The following PLCL1 variants were observed in gnomAD, a reference collection of about 807,000 sequenced individuals.
PLCL1 encodes the protein inactive phospholipase C-like protein 1.
Under a neutral mutation model 84.4 loss-of-function variants are expected in PLCL1, and 41 were observed. The observed-to-expected ratio is 0.49, with a 90% CI of 0.38 to 0.63. The LOEUF is 0.63. PLCL1 is among the 30% of genes least tolerant of loss of function. PLCL1 has a pLI of 0.00. For missense variants in PLCL1, 1,206 were observed against 1,367.8 expected, an observed-to-expected ratio of 0.88 and a Z score of 1.87; for synonymous variants, 490 against 488.3, an observed-to-expected ratio of 1.00 and a Z score of -0.05.
intron 1 of PLCL1, among the ~76,000 whole-genome samples, chr2:198,024,499 C>T (rs1691216715): frequency 6.6e-6 from 1 of 152,208 alleles, no homozygotes; most frequent in Admixed American, 6.5e-5. Flanking sequence ...CGTGGTGGCT[C>T]ATGCCTGTAA....
chr2:197,858,635 G>C (rs1687375455), intron 1 of PLCL1, among the ~76,000 whole-genome samples: 1 of 152,128 alleles, frequency 6.6e-6, no homozygotes, highest in South Asian at 2.1e-4. Flanking sequence ...GGTCTGCCAT[G>C]TTTATTTTGT....
chr2:198,064,659 A>G (rs1408323615), intron 1 of PLCL1, among the ~76,000 whole-genome samples: 6 of 152,210 alleles, frequency 3.9e-5, no homozygotes, highest in Admixed American at 3.9e-4. Context: ...AGTATGTTTG[A>G]AAATTTAAGT....
At chr2:198,140,463 C>T (rs1389921857) in intron 5 of PLCL1, among the ~76,000 whole-genome samples, 1 of 152,048 alleles carries the variant, frequency 6.6e-6, no homozygotes. Context: ...TTTGAAGTAA[C>T]TAGGGTCCTT....
chr2:197,943,115 T>A (rs184661777), intron 1 of PLCL1, among the ~76,000 whole-genome samples: 1 of 150,110 alleles, frequency 6.7e-6, no homozygotes, highest in African/African-American at 2.5e-5. Flanking sequence ...CTGGAATCAC[T>A]TGCGCCCAGG....
At chr2:198,081,009 G>A (rs1285098693) in intron 1 of PLCL1, among the ~76,000 whole-genome samples, 1 of 152,206 alleles carries the variant, frequency 6.6e-6, no homozygotes, top group Non-Finnish European at 1.5e-5. Flanking sequence ...GAAGAGCCTT[G>A]TAAGAGAAAG....
chr2:198,086,196 A>G lies in PLCL1; in HGVS notation c.2679A>G (p.Pro893=), dbSNP rs778955158. Residue 893 remains proline, a synonymous_variant, in exon 2 of 6, where the codon CCA becomes CCG. Coordinates refer to ENST00000428675, the MANE Select transcript of PLCL1 (RefSeq NM_006226.4). ...IDDIFKIAVH[P]LREAIDMREN... Reference sequence around the variant, plus strand: ...ACATCTTTAAAATAGCGGTTCATCCATTACGAGAAGCCATAGATATGAGAG... The same window carrying G: ...ACATCTTTAAAATAGCGGTTCATCCGTTACGAGAAGCCATAGATATGAGAG... 1.9e-6 allele frequency: 3 copies of G among 1,613,478 alleles called. No individual in the cohort carries two copies. Among genetic ancestry groups the G allele is most frequent in the Middle Eastern group, 1.7e-4 (1 of 6,056 alleles).
At chr2:198,059,472 A>C (rs1692142642) in intron 1 of PLCL1, among the ~76,000 whole-genome samples, 1 of 152,200 alleles carries the variant, frequency 6.6e-6, no homozygotes, top group African/African-American at 2.4e-5. Context: ...CTTTAGGTTA[A>C]CTATGCCTGA....
chr2:197,871,260 C>G (rs546497712), intron 1 of PLCL1, among the ~76,000 whole-genome samples: 1 of 152,162 alleles, frequency 6.6e-6, no homozygotes, highest in South Asian at 2.1e-4. Flanking sequence ...AGATCCTGTA[C>G]TGTTTGGAGA....
chr2:197,985,195 G>C (rs188077024), intron 1 of PLCL1, among the ~76,000 whole-genome samples: 22 of 152,310 alleles, frequency 1.4e-4, no homozygotes, highest in African/African-American at 4.6e-4. Context: ...TTGCCCACTA[G>C]CTGTATAACT....
intron 5 of PLCL1, among the ~76,000 whole-genome samples, chr2:198,134,632 A>T (rs569296059): frequency 1.1e-4 from 17 of 152,174 alleles, no homozygotes; most frequent in Non-Finnish European, 2.4e-4. Flanking sequence ...GCCTCTTTAA[A>T]AGCATTATGA....
intron 5 of PLCL1, among the ~76,000 whole-genome samples, chr2:198,146,298 A>G (rs553362221): frequency 7.9e-5 from 12 of 152,204 alleles, no homozygotes; most frequent in Non-Finnish European, 2.9e-5. Flanking sequence ...CTCACCAAGC[A>G]TAAGGGTATG....
intron 1 of PLCL1, among the ~76,000 whole-genome samples, chr2:197,863,703 A>G (rs1311625395): frequency 1.3e-5 from 2 of 152,196 alleles, no homozygotes; most frequent in Non-Finnish European, 2.9e-5. Flanking sequence ...AAACTAGGAC[A>G]TTGTTGAGAG....
At chr2:198,071,888 A>G (rs1458197193) in intron 1 of PLCL1, among the ~76,000 whole-genome samples, 1 of 151,802 alleles carries the variant, frequency 6.6e-6, no homozygotes, top group Non-Finnish European at 1.5e-5. Flanking sequence ...ATTTAAAATT[A>G]TTTTTTGTCT....
intron 1 of PLCL1, among the ~76,000 whole-genome samples, chr2:198,063,154 C>G (rs1304001361): frequency 6.8e-6 from 1 of 148,122 alleles, no homozygotes; most frequent in African/African-American, 2.6e-5. Context: ...GTACTTAATA[C>G]TATACTTTAC....
chr2:197,849,984 CT>C (rs1217691525), intron 1 of PLCL1, among the ~76,000 whole-genome samples: 1 of 151,318 alleles, frequency 6.6e-6, no homozygotes, highest in Non-Finnish European at 1.5e-5. Context: ...TTCAGTGATT[CT>C]CTTAGAGGTT....
At chr2:198,119,053 C>T (rs1693811245) in intron 5 of PLCL1, among the ~76,000 whole-genome samples, 1 of 151,936 alleles carries the variant, frequency 6.6e-6, no homozygotes, top group African/African-American at 2.4e-5. Flanking sequence ...CAGAGTATTA[C>T]ATACATCAGA....
At position 197,889,611 on chromosome 2, in the gene PLCL1, C is replaced by T. The variant is rs142281471; in HGVS notation, c.240+84272C>T. On this transcript the variant is annotated intron_variant, in intron 1 of 5. Transcript: ENST00000428675. ...CAAGTTTTTAGGCTACACCAACACACATTTTTTCTGTTGATATTCAAGCAT... is the reference window on the plus strand; with the variant it reads ...CAAGTTTTTAGGCTACACCAACACATATTTTTTCTGTTGATATTCAAGCAT... 2.1e-3 allele frequency among the ~76,000 whole-genome samples: 322 copies of T among 152,256 alleles called. 1 individual carries two copies. Among genetic ancestry groups the T allele is most frequent in the African/African-American group, 7.3e-3 (303 of 41,558 alleles).
At position 197,831,430 on chromosome 2, in the gene PLCL1, T is replaced by C. The variant is rs1574901984; in HGVS notation, c.240+26091T>C. 2.0e-5 allele frequency among the ~76,000 whole-genome samples: 3 copies of C among 152,110 alleles called. No homozygotes were observed. In the South Asian group the frequency reaches 6.2e-4, roughly 32 times the overall value. The stretch of plus-strand genomic sequence containing the variant: ...GATCAAAAAAGACAAAGAAGGGCAT[T>C]ATATAATGGTAAAGGGATCAATGCA... On this transcript the variant is annotated intron_variant, in intron 1 of 5. Coordinates refer to ENST00000428675, the MANE Select transcript of PLCL1 (RefSeq NM_006226.4).
intron 1 of PLCL1, among the ~76,000 whole-genome samples, chr2:197,880,078 T>A (rs1687802889): frequency 6.6e-6 from 1 of 152,180 alleles, no homozygotes; most frequent in Admixed American, 6.5e-5. Flanking sequence ...TGGATAAATG[T>A]TTTATAATGA....
Sources: allele counts gnomAD v4.1 joint callset (sites outside exome capture counted in the v4.1 genomes callset), GRCh38; gene constraint gnomAD v4.1.1; transcripts MANE v1.5; gene names NCBI Gene and HGNC (gene_info 2026-07-23, HGNC 2026-07-21).